Variants in FGFR2 observed in about 807,000 individuals in gnomAD.
FGFR2 encodes BEK fibroblast growth factor receptor.
A neutral mutation model predicts 95.9 loss-of-function variants in FGFR2; 19 were observed. That is an observed-to-expected ratio of 0.20 (90% CI 0.14 to 0.29). FGFR2 has a LOEUF of 0.29. Ranked by LOEUF, FGFR2 falls within the 10% of genes least tolerant of loss-of-function variation. The pLI, the probability that FGFR2 is intolerant of heterozygous loss-of-function variation, is 1.00. For synonymous variants in FGFR2, 392 were observed against 393.3 expected, an observed-to-expected ratio of 1.00 and a Z score of 0.04; for missense variants, 707 against 1,056.9, an observed-to-expected ratio of 0.67 and a Z score of 4.59.
chr10:121,554,402 G>A (rs1167963037), intron 4 of FGFR2, among the ~76,000 whole-genome samples: 3 of 150,294 alleles, frequency 2.0e-5, no homozygotes, highest in Admixed American at 1.3e-4. Flanking sequence ...GCAGTGGCGC[G>A]ATCTTGGCTC....
At position 121,517,325 on chromosome 10, in the gene FGFR2, G is replaced by T; in HGVS notation, c.1078C>A (p.Leu360Met). 1 of 1,614,168 alleles carries T rather than the reference G, an allele frequency of 6.2e-7. No individual in the cohort carries two copies. The highest frequency in any genetic ancestry group is 8.5e-7 in the Non-Finnish European group (1 of 1,180,026). The change falls in exon 8 of 18, where the codon CTG becomes ATG. Residue 360 changes from leucine to methionine, a missense_variant. Coordinates refer to ENST00000358487, the MANE Select transcript of FGFR2 (RefSeq NM_000141.5). This position sits in a 1 kb window ranked among gnomAD's most constrained non-coding sequence, Gnocchi z 4.7. ...ISFHSAWLTV[L>M]PAPGREKEIT... is the part of the protein sequence containing the mutation. ...GAGAAAGAACAGTATATACCTGGCAGAACTGTCAACCATGCAGAGTGAAAG... is the reference window on the plus strand; with the variant it reads ...GAGAAAGAACAGTATATACCTGGCATAACTGTCAACCATGCAGAGTGAAAG...
rs1172844728 is a variant in FGFR2 at position 121,481,827 on chromosome 10, C to CTTTTTTTT, written c.2302-1807_2302-1806insAAAAAAAA. 300 of 178,986 alleles carry CTTTTTTTT rather than the reference C, an allele frequency of 1.7e-3. 25 individuals are homozygous for CTTTTTTTT. The highest frequency in any genetic ancestry group is 4.0e-3 in the Middle Eastern group (2 of 502). 11.1% of individuals were successfully genotyped at this position (178,986 alleles called of 1,614,324 possible). A position where few individuals can be genotyped will look rare whatever the true frequency, so the allele number is the denominator to read the frequency against. Reference sequence around the variant, plus strand: ...CTTTAGTGCTTTTCCCGGTTTCTTTCTTTTTTATTTTTATTTTTTTTTTTT... The same window carrying CTTTTTTTT: ...CTTTAGTGCTTTTCCCGGTTTCTTTCTTTTTTTTTTTTTTATTTTTATTTTTTTTTTTT... On this transcript the variant is annotated intron_variant, in intron 17 of 17. Coordinates refer to ENST00000358487, the MANE Select transcript of FGFR2 (RefSeq NM_000141.5).
chr10:121,556,761 A>C (rs1379231577), intron 4 of FGFR2, among the ~76,000 whole-genome samples: 1 of 152,156 alleles, frequency 6.6e-6, no homozygotes, highest in East Asian at 1.9e-4. Flanking sequence ...TGGATGCAAA[A>C]AATTTTAAAA....
At chr10:121,500,662 T>C (rs181570655) in intron 11 of FGFR2, among the ~76,000 whole-genome samples, 164 bp downstream of exon 11, 17 of 152,248 alleles carry the variant, frequency 1.1e-4, no homozygotes, top group African/African-American at 4.1e-4. Context: ...TCAAGATAAA[T>C]AGTCTGTCCG....
chr10:121,481,694 T>C (rs1288994316), intron 17 of FGFR2: 3 of 228,588 alleles, frequency 1.3e-5, no homozygotes, highest in Non-Finnish European at 2.6e-5. Context: ...CATTCTGCTT[T>C]TTTATTTTAG....
intron 2 of FGFR2, among the ~76,000 whole-genome samples, chr10:121,578,515 G>A (rs1353156235): frequency 6.6e-6 from 1 of 152,248 alleles, no homozygotes; most frequent in Non-Finnish European, 1.5e-5. Flanking sequence ...AAAGGTGTAC[G>A]GAGAGGGACT....
chr10:121,540,026 A>C (rs1440379482), intron 5 of FGFR2, among the ~76,000 whole-genome samples: 1 of 152,186 alleles, frequency 6.6e-6, no homozygotes, highest in Non-Finnish European at 1.5e-5. Context: ...TGCAGGGTGG[A>C]GGTACTGCTG....
chr10:121,572,195 A>T (rs1464554529), intron 2 of FGFR2, among the ~76,000 whole-genome samples: 1 of 150,536 alleles, frequency 6.6e-6, no homozygotes, highest in East Asian at 1.9e-4. Context: ...ATGATGATAA[A>T]CACCTGTAGT....
chr10:121,515,365 A>G, intron 8 of FGFR2, 46 bp from the exon 9 acceptor site: 1 of 1,569,734 alleles, frequency 6.4e-7, no homozygotes, highest in Non-Finnish European at 8.8e-7. Flanking sequence ...CAGGCCATAG[A>G]GTTAGCACAC....
At chr10:121,519,310 A>C (rs1850168029) in intron 7 of FGFR2, among the ~76,000 whole-genome samples, 1 of 152,166 alleles carries the variant, frequency 6.6e-6, no homozygotes, top group African/African-American at 2.4e-5. Flanking sequence ...CCTAGATCTA[A>C]AAAAGAGGCA....
intron 5 of FGFR2, among the ~76,000 whole-genome samples, chr10:121,549,926 T>A (rs545121036): frequency 6.6e-6 from 1 of 152,322 alleles, no homozygotes; most frequent in South Asian, 2.1e-4. Flanking sequence ...AGGTAATAAA[T>A]GTTGCTTAAA....
chr10:121,503,162 G>C (rs1409452405), intron 10 of FGFR2, among the ~76,000 whole-genome samples: 1 of 152,212 alleles, frequency 6.6e-6, no homozygotes, highest in Non-Finnish European at 1.5e-5. Context: ...CGGAGCTCCA[G>C]TACGTGGAGT....
At chr10:121,530,251 G>C (rs1376275206) in intron 6 of FGFR2, 3 of 152,316 alleles carry the variant, frequency 2.0e-5, no homozygotes, top group African/African-American at 7.2e-5. Flanking sequence ...CTAAGGGAGA[G>C]GGAATCCGTG....
At chr10:121,564,612 T>C (rs112866461) in intron 3 of FGFR2, 33 bp from the exon 4 acceptor site, 12 of 1,604,080 alleles carry the variant, frequency 7.5e-6, no homozygotes, top group African/African-American at 4.0e-5. Flanking sequence ...CATGGATGTG[T>C]TTTTTGCAAA....
chr10:121,591,502 A>G lies in FGFR2; in HGVS notation c.109+2207T>C, dbSNP rs185861831. 6.6e-5 allele frequency among the ~76,000 whole-genome samples: 10 copies of G among 152,366 alleles called. No homozygotes were observed. The East Asian group carries it at 1.9e-3, about 29-fold the overall frequency. On this transcript the variant is annotated intron_variant, in intron 2 of 17. Coordinates refer to ENST00000358487, the MANE Select transcript of FGFR2 (RefSeq NM_000141.5). ...CTAACAACCTTTTGGTGGAAGAGTC[A>G]GAAGACTTCTGAGGACATTAATATT...
At chr10:121,553,389 G>A (rs144632828) in intron 4 of FGFR2, among the ~76,000 whole-genome samples, 2 of 152,142 alleles carry the variant, frequency 1.3e-5, no homozygotes, top group Non-Finnish European at 2.9e-5. Context: ...GTTCACCAGG[G>A]AGTACTTGAT....
rs534840438 is a variant in FGFR2, at chr10:121,520,315, C to T, written c.749-146G>A. Reference sequence around the variant, plus strand: ...TGACACCTTTGAAATAACACTGTGGCCCCATGAATAACAGAAACGACTTCA... The same window carrying T: ...TGACACCTTTGAAATAACACTGTGGTCCCATGAATAACAGAAACGACTTCA... On this transcript the variant is annotated intron_variant, in intron 6 of 17. Coordinates refer to ENST00000358487, the MANE Select transcript of FGFR2 (RefSeq NM_000141.5). 1.3e-4 allele frequency: 103 copies of T among 777,118 alleles called. 1 individual carries two copies. In the South Asian group the frequency reaches 2.0e-3, roughly 15 times the overall value. The allele number at this position is 777,118 out of a possible 1,614,324, so 48.1% of individuals were successfully genotyped here. A position where few individuals can be genotyped will look rare whatever the true frequency, so the allele number is the denominator to read the frequency against.
At chr10:121,516,003 C>T (rs988620615) in intron 8 of FGFR2, among the ~76,000 whole-genome samples, 8 of 151,332 alleles carry the variant, frequency 5.3e-5, no homozygotes, top group African/African-American at 7.3e-5. Context: ...TATACATATC[C>T]GGTTATATTG....
At chr10:121,486,122 T>C (rs571661616) in intron 15 of FGFR2, among the ~76,000 whole-genome samples, 14 of 152,300 alleles carry the variant, frequency 9.2e-5, no homozygotes, top group African/African-American at 3.4e-4. Context: ...ACTTGACTCT[T>C]CAGAGATTTG....
Sources: allele counts gnomAD v4.1 joint callset (sites outside exome capture counted in the v4.1 genomes callset), GRCh38; gene constraint gnomAD v4.1.1; non-coding constraint Gnocchi (gnomAD v3.1); transcripts MANE v1.5; gene names NCBI Gene and HGNC (gene_info 2026-07-23, HGNC 2026-07-21).